CWH43: variants seen among roughly 807,000 people sequenced by gnomAD.
CWH43 encodes the protein cell wall biogenesis 43 C-terminal homolog, also known as PGAP2-interacting protein.
Under a neutral mutation model 85.7 loss-of-function variants are expected in CWH43, and 91 were observed. The observed-to-expected ratio is 1.06, with a 90% CI of 0.90 to 1.26. CWH43 has a LOEUF of 1.26. Among genes scored for constraint, CWH43 ranks in the 50% most tolerant of loss-of-function variants. The pLI is 0.00. For missense variants in CWH43, 869 were observed against 839.2 expected, an observed-to-expected ratio of 1.04 and a Z score of -0.44; for synonymous variants, 323 against 293.6, an observed-to-expected ratio of 1.10 and a Z score of -1.02.
At chr4:48,987,093 TC>T (rs1467553544) in intron 1 of CWH43, among the ~76,000 whole-genome samples, 1 of 151,874 alleles carries the variant, frequency 6.6e-6, no homozygotes, top group Non-Finnish European at 1.5e-5. Flanking sequence ...AAATCAAAGT[TC>T]CCAGACAAAC....
intron 12 of CWH43, among the ~76,000 whole-genome samples, chr4:49,033,536 C>A (rs1268919691): frequency 6.6e-6 from 1 of 152,138 alleles, no homozygotes; most frequent in Non-Finnish European, 1.5e-5. Flanking sequence ...TTGAGACAAG[C>A]ACGTGAAGTT....
At chr4:49,041,077 G>A (rs1784444153) in intron 13 of CWH43, among the ~76,000 whole-genome samples, 1 of 152,024 alleles carries the variant, frequency 6.6e-6, no homozygotes, top group Admixed American at 6.5e-5. Flanking sequence ...TATTTCTGAG[G>A]GCTCTGTTCT....
intron 8 of CWH43, among the ~76,000 whole-genome samples, chr4:49,007,694 T>G (rs1577666715): frequency 6.6e-6 from 1 of 151,986 alleles, no homozygotes. Context: ...TCTCATTGTT[T>G]AATTCCCACC....
At position 49,050,794 on chromosome 4, in the gene CWH43, C is replaced by G; in HGVS notation, c.1966C>G (p.Gln656Glu). The G allele has an allele frequency of 8.1e-6, 13 of 1,612,310 alleles. No individual in the cohort carries two copies. Among genetic ancestry groups the G allele is most frequent in the Non-Finnish European group, 1.1e-5 (13 of 1,178,718 alleles). ...PDDPTNYRDN[Q>E]KVVIDHREVS... Reference sequence around the variant, plus strand: ...TGACCCCACTAATTATAGAGACAACCAGAAAGTGGTCATAGACCACAGAGA... The same window carrying G: ...TGACCCCACTAATTATAGAGACAACGAGAAAGTGGTCATAGACCACAGAGA... The change falls in exon 15 of 16, where the codon CAG becomes GAG. Residue 656 changes from glutamine to glutamate, a missense_variant. Transcript: ENST00000226432.
chr4:49,012,463 C>T (rs575418120), intron 8 of CWH43, among the ~76,000 whole-genome samples: 1 of 152,334 alleles, frequency 6.6e-6, no homozygotes, highest in South Asian at 2.1e-4. Context: ...CCTTCTGAAG[C>T]TTACTTCTGT....
At chr4:48,994,255 G>A (rs1270410025) in intron 4 of CWH43, among the ~76,000 whole-genome samples, 1 of 152,208 alleles carries the variant, frequency 6.6e-6, no homozygotes, top group African/African-American at 2.4e-5. Flanking sequence ...TTGGGAGGAA[G>A]CAGCTTGTGT....
intron 9 of CWH43, among the ~76,000 whole-genome samples, chr4:49,024,463 T>C (rs1783842980): frequency 6.6e-6 from 1 of 152,206 alleles, no homozygotes; most frequent in Non-Finnish European, 1.5e-5. Flanking sequence ...TTATGCTTTA[T>C]GGAGATTCTA....
rs550605128 is a variant in CWH43 at position 49,045,961 on chromosome 4, C to T, written c.1865+1114C>T. On this transcript the variant is annotated intron_variant, in intron 14 of 15. Transcript: ENST00000226432. ...AATAGAATATAAGAACTTATTCCTCCTAACTGTAACATTGTACCCATTGAC... is the reference window on the plus strand; with the variant it reads ...AATAGAATATAAGAACTTATTCCTCTTAACTGTAACATTGTACCCATTGAC... 4.3e-3 allele frequency among the ~76,000 whole-genome samples: 650 copies of T among 152,132 alleles called. 12 individuals carry two copies. The highest frequency in any genetic ancestry group is 1.4e-3 in the Non-Finnish European group (93 of 67,990).
At chr4:49,013,631 CT>C (rs56338496) in intron 8 of CWH43, among the ~76,000 whole-genome samples, 91,881 of 151,192 alleles carry the variant, frequency 0.61, 30,269 homozygotes, top group Middle Eastern at 0.78. Flanking sequence ...TATTTCTCTA[CT>C]TTTTTTTTTG....
intron 8 of CWH43, among the ~76,000 whole-genome samples, chr4:49,015,745 G>A (rs1783523750): frequency 6.6e-6 from 1 of 151,838 alleles, no homozygotes; most frequent in Non-Finnish European, 1.5e-5. Context: ...TATGTTTTGG[G>A]CTGCCCCTTG....
chr4:48,994,515 C>A, intron 4 of CWH43, 104 bp from the exon 5 acceptor site: 2 of 951,922 alleles, frequency 2.1e-6, no homozygotes, highest in South Asian at 2.9e-5. Flanking sequence ...AAGTAAGCTT[C>A]TTGAAGCCAA....
At chr4:49,044,706 T>G in intron 13 of CWH43, 80 bp from the exon 14 acceptor site, 1 of 1,026,962 alleles carries the variant, frequency 9.7e-7, no homozygotes, top group Non-Finnish European at 1.5e-6. Context: ...ATTTATCATG[T>G]AGCTCACACA....
At chr4:49,049,239 A>G (rs1784721253) in intron 14 of CWH43, among the ~76,000 whole-genome samples, 1 of 152,200 alleles carries the variant, frequency 6.6e-6, no homozygotes, top group Non-Finnish European at 1.5e-5. Flanking sequence ...GTTCAGTCAC[A>G]GCTCTACTTA....
At chr4:49,019,730 C>G (rs1577679051) in intron 9 of CWH43, among the ~76,000 whole-genome samples, 1 of 152,010 alleles carries the variant, frequency 6.6e-6, no homozygotes, top group Non-Finnish European at 1.5e-5. Flanking sequence ...CAGGCGCACA[C>G]CACCATGCCC....
chr4:49,002,933 G>T (rs1042735206), intron 6 of CWH43, among the ~76,000 whole-genome samples: 1 of 152,096 alleles, frequency 6.6e-6, no homozygotes, highest in African/African-American at 2.4e-5. Context: ...TTGAAGGGTG[G>T]GTCCCAATTA....
At chr4:49,022,741 T>A (rs1783791980) in intron 9 of CWH43, among the ~76,000 whole-genome samples, 1 of 152,172 alleles carries the variant, frequency 6.6e-6, no homozygotes, top group Admixed American at 6.5e-5. Flanking sequence ...CATTGGTTTG[T>A]TCAGAGTTTC....
intron 9 of CWH43, among the ~76,000 whole-genome samples, chr4:49,025,752 G>A (rs1783895364): frequency 6.6e-6 from 1 of 152,204 alleles, no homozygotes; most frequent in Admixed American, 6.5e-5. Flanking sequence ...TCCAGTCGAG[G>A]TAGCAGAGGA....
chr4:48,994,893 C>T (rs1273821641), intron 5 of CWH43, 73 bp downstream of exon 5: 2 of 1,206,160 alleles, frequency 1.7e-6, no homozygotes, highest in Non-Finnish European at 1.2e-6. Context: ...CTTTGTCAGA[C>T]AGCTAGGTCT....
chr4:49,030,939 G>C lies in CWH43; in HGVS notation c.1487G>C (p.Ser496Thr). Residue 496 changes from serine (S) to threonine (T), a missense_variant, in exon 11 of 16, where the codon AGC (serine) becomes ACC (threonine). Around this residue, in one of 3 missense-constraint regions of CWH43, gnomAD observed 577 missense variants for 513.1 expected, o/e 1.12. Transcript: ENST00000226432. ...GGTTTCTATACAGACTTTGGTCCAA[G>C]CACAAGGTATCACACTTGGGGGTGA... ...KLGFYTDFGPSTRYHTWGIMA... is the reference protein window; with the variant it reads ...KLGFYTDFGPTTRYHTWGIMA... 6.2e-7 allele frequency: 1 copy of C among 1,602,510 alleles called. No homozygotes were observed. Among genetic ancestry groups the C allele is most frequent in the Non-Finnish European group, 8.5e-7 (1 of 1,176,152 alleles).
Sources: gnomAD v4.1 joint callset for allele counts (sites outside exome capture counted in the v4.1 genomes callset) on GRCh38, gnomAD v4.1.1 for gene constraint, gnomAD v4.1.1 regional missense constraint, MANE v1.5 for transcripts, NCBI Gene and HGNC (gene_info 2026-07-23, HGNC 2026-07-21) for gene names.